DNAH14: variants seen among roughly 807,000 people sequenced by gnomAD.
The protein encoded by DNAH14 is dynein axonemal heavy chain 14.
In DNAH14, 478 loss-of-function variants were observed where a neutral mutation model predicts 520.9. That is an observed-to-expected ratio of 0.92 (90% CI 0.85 to 0.99). The LOEUF is 0.99. Ranked by LOEUF, DNAH14 falls within the 50% of genes least tolerant of loss-of-function variation. DNAH14 has a pLI of 0.00. For synonymous variants in DNAH14, 1,581 were observed against 1,757.2 expected, an observed-to-expected ratio of 0.90 and a Z score of 2.51; for missense variants, 4,831 against 5,234.5, an observed-to-expected ratio of 0.92 and a Z score of 2.38.
At chr1:225,199,044 A>G (rs1241940853) in intron 38 of DNAH14, among the ~76,000 whole-genome samples, 2 of 152,056 alleles carry the variant, frequency 1.3e-5, no homozygotes, top group Non-Finnish European at 1.5e-5. Flanking sequence ...TATACAGGGT[A>G]TCTAATTCTT....
At chr1:225,039,702 C>T (rs1176170932) in intron 12 of DNAH14, among the ~76,000 whole-genome samples, 1 of 150,314 alleles carries the variant, frequency 6.7e-6, no homozygotes, top group Admixed American at 6.6e-5. Context: ...TAGCCTTGTA[C>T]CCCGTCTCTA....
At chr1:225,334,320 G>A (rs965209633) in intron 66 of DNAH14, among the ~76,000 whole-genome samples, 5 of 151,930 alleles carry the variant, frequency 3.3e-5, no homozygotes, top group African/African-American at 7.3e-5. Context: ...GCAAGACCGT[G>A]TCTAAAAAAA....
chr1:225,166,251 C>T (rs891180503), intron 35 of DNAH14, among the ~76,000 whole-genome samples: 1 of 152,142 alleles, frequency 6.6e-6, no homozygotes, highest in Non-Finnish European at 1.5e-5. Context: ...TTCATCTTTT[C>T]ATCAGCTTTA....
chr1:225,097,274 A>G, intron 22 of DNAH14, 35 bp downstream of exon 22: 4 of 1,495,782 alleles, frequency 2.7e-6, no homozygotes, highest in Non-Finnish European at 3.6e-6. Context: ...TACAGGTTCA[A>G]AATGCATTGT....
intron 21 of DNAH14, among the ~76,000 whole-genome samples, chr1:225,092,763 A>G (rs2074511092): frequency 6.6e-6 from 1 of 151,998 alleles, no homozygotes; most frequent in Admixed American, 6.6e-5. Context: ...ATTAAGATAC[A>G]TAGACTTCTA....
At chr1:225,230,178 C>T (rs605351) in intron 41 of DNAH14, among the ~76,000 whole-genome samples, 55,337 of 151,872 alleles carry the variant, frequency 0.36, 12,595 homozygotes, top group African/African-American at 0.61. Context: ...AGCAGAATTA[C>T]TTATAATCAT....
chr1:225,171,499 C>G (rs1350278601), intron 36 of DNAH14, among the ~76,000 whole-genome samples: 1 of 152,160 alleles, frequency 6.6e-6, no homozygotes, highest in Admixed American at 6.5e-5. Flanking sequence ...CACCTCTATG[C>G]AAATAACCTT....
intron 39 of DNAH14, among the ~76,000 whole-genome samples, chr1:225,204,658 G>C (rs2087296639): frequency 6.6e-6 from 1 of 152,132 alleles, no homozygotes; most frequent in East Asian, 1.9e-4. Flanking sequence ...TACAACCCAA[G>C]TAGATTTATC....
chr1:225,124,593 C>G (rs1245104682), intron 27 of DNAH14, among the ~76,000 whole-genome samples: 1 of 152,200 alleles, frequency 6.6e-6, no homozygotes, highest in Non-Finnish European at 1.5e-5. Context: ...TCCGTCACAT[C>G]TTCAGGCTCC....
chr1:225,277,073 G>A (rs2093498105), intron 53 of DNAH14, among the ~76,000 whole-genome samples: 1 of 104,110 alleles, frequency 9.6e-6, no homozygotes, highest in Non-Finnish European at 1.9e-5. Flanking sequence ...AGAAGGAAGA[G>A]AAGGGGGAAA....
chr1:225,121,399 C>T (rs2077273238), intron 26 of DNAH14, among the ~76,000 whole-genome samples: 2 of 152,132 alleles, frequency 1.3e-5, no homozygotes, highest in Non-Finnish European at 2.9e-5. Flanking sequence ...CTCCCCTTTC[C>T]TCATCCCTCC....
chr1:225,265,892 T>C (rs1037317770), intron 48 of DNAH14, among the ~76,000 whole-genome samples: 8 of 151,738 alleles, frequency 5.3e-5, no homozygotes, highest in Non-Finnish European at 1.0e-4. Flanking sequence ...TAGTTTGTGA[T>C]ACAAAAGGGG....
rs1328120474 is a variant in DNAH14, at chr1:224,938,897, A to G, written c.-34+9062A>G. 2.0e-5 allele frequency among the ~76,000 whole-genome samples: 3 copies of G among 152,222 alleles called. No homozygotes were observed. The East Asian group carries it at 5.8e-4, about 29-fold the overall frequency. ...CGTTTACGGCAATGTGAATGGAACT[A>G]GAGGCTATTATGCTAAGTGAAATAA... is the stretch of plus-strand genomic sequence containing the variant. On this transcript the variant is annotated intron_variant, in intron 1 of 85. Transcript: ENST00000682510.
At chr1:225,361,948 C>T (rs1423611459) in intron 75 of DNAH14, among the ~76,000 whole-genome samples, 1 of 152,194 alleles carries the variant, frequency 6.6e-6, no homozygotes, top group Non-Finnish European at 1.5e-5. Context: ...ACAAAGATTG[C>T]TTAGTTACAT....
chr1:225,118,182 C>G (rs1439171490), intron 25 of DNAH14, 183 bp downstream of exon 25: 2 of 631,754 alleles, frequency 3.2e-6, no homozygotes, highest in South Asian at 3.7e-5. Flanking sequence ...CACCTTTGCT[C>G]TAATTAAAAG....
intron 71 of DNAH14, 26 bp downstream of exon 71, chr1:225,346,680 T>A: frequency 6.7e-7 from 1 of 1,487,716 alleles, no homozygotes; most frequent in Non-Finnish European, 9.0e-7. Context: ...TATTCCGGAT[T>A]CAGTAAAAGT....
At chr1:225,107,635 G>A (rs1167568007) in intron 23 of DNAH14, among the ~76,000 whole-genome samples, 1 of 152,124 alleles carries the variant, frequency 6.6e-6, no homozygotes, top group Non-Finnish European at 1.5e-5. Flanking sequence ...CCAAAGCACA[G>A]GACAGGAACC....
Position 225,034,993 on chromosome 1 carries a change from T to G in DNAH14, c.1359-3701T>G, listed in dbSNP as rs150464536. 7.1e-3 allele frequency among the ~76,000 whole-genome samples: 1,079 copies of G among 151,886 alleles called. 8 individuals carry two copies. Among genetic ancestry groups the G allele is most frequent in the African/African-American group, 0.024 (1,011 of 41,522 alleles). The stretch of plus-strand genomic sequence containing the variant: ...TTCTTGATTAGTGTAGCTAGTAGCC[T>G]CTCTATTTTATTAATTTTTTCAAAA... On this transcript the variant is annotated intron_variant, in intron 11 of 85. Transcript: ENST00000682510.
intron 42 of DNAH14, among the ~76,000 whole-genome samples, chr1:225,239,520 G>A (rs1208796232): frequency 6.6e-6 from 1 of 152,152 alleles, no homozygotes; most frequent in Non-Finnish European, 1.5e-5. Flanking sequence ...TGCCTAGTCA[G>A]TCCCAGTGAG....
Sources: gnomAD v4.1 joint callset for allele counts (sites outside exome capture counted in the v4.1 genomes callset) on GRCh38, gnomAD v4.1.1 for gene constraint, MANE v1.5 for transcripts, NCBI Gene and HGNC (gene_info 2026-07-23, HGNC 2026-07-21) for gene names.